Variants in RELN observed in about 807,000 individuals in gnomAD.
RELN encodes the protein reelin.
RELN carries 108 observed loss-of-function variants against 427.6 expected under a neutral mutation model. That is an observed-to-expected ratio of 0.25 (90% CI 0.22 to 0.30). RELN has a LOEUF of 0.30. Among genes scored for constraint, RELN ranks in the 10% least tolerant of loss-of-function variants. The pLI, the probability that RELN is intolerant of heterozygous loss-of-function variation, is 1.00. For missense variants in RELN, 3,715 were observed against 4,302.8 expected (o/e 0.86, Z 3.82); for synonymous variants, 1,524 against 1,513.4 (o/e 1.01, Z -0.16).
In RELN at chr7:103,700,900, T is replaced by G; in HGVS notation, c.902+10A>C. ...CAGAATTTATGAAAATACTTTAAATTACAACAAACCTAATTTTCTCTAGCT... is the reference window on the plus strand; with the variant it reads ...CAGAATTTATGAAAATACTTTAAATGACAACAAACCTAATTTTCTCTAGCT... On this transcript the variant is annotated intron_variant, in intron 9 of 64. Coordinates refer to ENST00000428762, the MANE Select transcript of RELN (RefSeq NM_005045.4). The G allele has an allele frequency of 1.3e-6, 2 of 1,531,448 alleles. No homozygotes were observed. The highest frequency in any genetic ancestry group is 2.3e-5 in the East Asian group (1 of 44,432). 94.9% of individuals were successfully genotyped at this position (1,531,448 alleles called of 1,614,324 possible). A position where few individuals can be genotyped will look rare whatever the true frequency, so the allele number is the denominator to read the frequency against.
chr7:103,794,712 C>T (rs1476459669), intron 3 of RELN, among the ~76,000 whole-genome samples: 1 of 152,132 alleles, frequency 6.6e-6, no homozygotes, highest in Non-Finnish European at 1.5e-5. Context: ...CACTACTGGA[C>T]ATTTATTTAA....
chr7:103,965,943 G>T (rs372317957), intron 1 of RELN, among the ~76,000 whole-genome samples: 1 of 151,832 alleles, frequency 6.6e-6, no homozygotes, highest in East Asian at 1.9e-4. Context: ...TGTTTACCAC[G>T]TCAAAATCTC....
chr7:103,860,719 A>T (rs1047034145), intron 2 of RELN, among the ~76,000 whole-genome samples: 1 of 152,044 alleles, frequency 6.6e-6, no homozygotes, highest in Non-Finnish European at 1.5e-5. Context: ...CCCCAATTAT[A>T]ATTCTAAAAC....
At chr7:103,602,079 C>A (rs1289307480) in intron 24 of RELN, among the ~76,000 whole-genome samples, 1 of 152,200 alleles carries the variant, frequency 6.6e-6, no homozygotes, top group Admixed American at 6.5e-5. Context: ...ACTATTCCTC[C>A]TTCTTCCAAT....
intron 2 of RELN, among the ~76,000 whole-genome samples, chr7:103,871,902 C>A (rs1470712041): frequency 6.6e-6 from 1 of 151,460 alleles, no homozygotes; most frequent in Non-Finnish European, 1.5e-5. Flanking sequence ...ATAGTAGAGT[C>A]TATATTAGAA....
At chr7:103,589,232 T>C (rs1490505526) in intron 28 of RELN, among the ~76,000 whole-genome samples, 3 of 152,222 alleles carry the variant, frequency 2.0e-5, no homozygotes, top group African/African-American at 7.2e-5. Context: ...TTTATAAAGC[T>C]GAGTGCAAAC....
chr7:103,602,674 C>T (rs1831701490), intron 24 of RELN, among the ~76,000 whole-genome samples: 1 of 151,880 alleles, frequency 6.6e-6, no homozygotes, highest in African/African-American at 2.4e-5. Context: ...CACACTGGGG[C>T]CTGTTGGGGG....
rs1470427331 is a variant in RELN, at chr7:103,581,338, T to G, written c.4146-5633A>C. The stretch of plus-strand genomic sequence containing the variant: ...ATTATTATTTTTGAGTGGGAGTATC[T>G]CTTGTGGTTATCCTGACATTTTCTC... On this transcript the variant is annotated intron_variant, in intron 28 of 64. Coordinates refer to ENST00000428762, the MANE Select transcript of RELN (RefSeq NM_005045.4). 4.6e-5 allele frequency among the ~76,000 whole-genome samples: 7 copies of G among 152,160 alleles called. No individual in the cohort carries two copies. In the East Asian group the frequency reaches 1.2e-3, roughly 25 times the overall value.
rs1830505102 is a variant in RELN at position 103,555,621 on chromosome 7, G to C, written c.5797+1356C>G. On this transcript the variant is annotated intron_variant, in intron 38 of 64. Coordinates refer to ENST00000428762, the MANE Select transcript of RELN (RefSeq NM_005045.4). Reference sequence around the variant, plus strand: ...CAAGTAGCTGGGATTACAGGTGTGTGCCACCACGCCCAGCTAATTTTTTTG... The same window carrying C: ...CAAGTAGCTGGGATTACAGGTGTGTCCCACCACGCCCAGCTAATTTTTTTG... Among the ~76,000 whole-genome samples, 3 of 152,188 alleles carry C rather than the reference G, an allele frequency of 2.0e-5. No individual in the cohort carries two copies. The South Asian group carries it at 6.2e-4, about 32-fold the overall frequency.
intron 10 of RELN, among the ~76,000 whole-genome samples, chr7:103,696,200 A>C (rs892934382): frequency 6.6e-6 from 1 of 152,138 alleles, no homozygotes; most frequent in Non-Finnish European, 1.5e-5. Flanking sequence ...GACACATGTT[A>C]AAAAATTCTC....
intron 12 of RELN, among the ~76,000 whole-genome samples, chr7:103,656,850 A>AT (rs1321366621): frequency 1.4e-4 from 21 of 152,024 alleles, no homozygotes; most frequent in African/African-American, 4.8e-4. Context: ...AAGTACAAGG[A>AT]TTATCTCTTT....
intron 2 of RELN, among the ~76,000 whole-genome samples, chr7:103,851,899 G>A (rs1563051337): frequency 6.6e-6 from 1 of 152,162 alleles, no homozygotes; most frequent in Admixed American, 6.6e-5. Context: ...GAAAATGTGA[G>A]CCCTCTGTGT....
At chr7:103,778,432 G>C (rs1172984118) in intron 3 of RELN, among the ~76,000 whole-genome samples, 1 of 151,938 alleles carries the variant, frequency 6.6e-6, no homozygotes, top group Non-Finnish European at 1.5e-5. Context: ...GTTCGTTTTT[G>C]TTGTCTTCTG....
In RELN at chr7:103,826,319, A is replaced by AGTGTGTGTGTGTGTGTGTGTGT. The variant is rs768090469; in HGVS notation, c.473+7217_473+7218insACACACACACACACACACACAC. ...ACAGAAGCACAAAACAGACTAAGAC[A>AGTGTGTGTGTGTGTGTGTGTGT]ATGTGTGTGTGTGTGTGTGTGTGTG... On this transcript the variant is annotated intron_variant, in intron 3 of 64. Transcript: ENST00000428762. Among the ~76,000 whole-genome samples, 926 of 137,542 alleles carry AGTGTGTGTGTGTGTGTGTGTGT rather than the reference A, an allele frequency of 6.7e-3. 21 individuals carry two copies. Among genetic ancestry groups the AGTGTGTGTGTGTGTGTGTGTGT allele is most frequent in the East Asian group, 0.01 (47 of 4,538 alleles). The allele number at this position is 137,542 out of a possible 152,430, so 90.2% of individuals were successfully genotyped here. A position where few individuals can be genotyped will look rare whatever the true frequency, so the allele number is the denominator to read the frequency against.
At chr7:103,678,203 C>T (rs534460092) in intron 11 of RELN, among the ~76,000 whole-genome samples, 4 of 152,142 alleles carry the variant, frequency 2.6e-5, no homozygotes, top group South Asian at 2.1e-4. Context: ...ATAATGTTTA[C>T]GTTTGGGATG....
chr7:103,926,627 G>GTTTTTTTTTTTTTTTTTT (rs60259062), intron 1 of RELN, among the ~76,000 whole-genome samples: 3 of 99,476 alleles, frequency 3.0e-5, no homozygotes, highest in Admixed American at 1.2e-4. Context: ...AGTATCATAA[G>GTTTTTTTTTTTTTTTTTT]TTTTTTTTTT....
At chr7:103,960,648 C>T (rs1048934873) in intron 1 of RELN, among the ~76,000 whole-genome samples, 1 of 152,070 alleles carries the variant, frequency 6.6e-6, no homozygotes, top group Admixed American at 6.6e-5. Flanking sequence ...AGGATTAGAG[C>T]AAATGCTAAG....
At chr7:103,730,246 T>G (rs893355178) in intron 6 of RELN, among the ~76,000 whole-genome samples, 14 of 152,140 alleles carry the variant, frequency 9.2e-5, no homozygotes, top group Non-Finnish European at 1.8e-4. Context: ...AGCAATCATT[T>G]TGTCCATAAA....
Position 103,603,464 on chromosome 7 carries a change from T to C in RELN, c.3173A>G (p.Glu1058Gly). The change falls in exon 24 of 65, where the codon GAA becomes GGA. Residue 1058 changes from glutamate to glycine, a missense_variant. Glu to Gly is a moderately conservative substitution (Grantham distance 98, BLOSUM62 -2). Coordinates refer to ENST00000428762, the MANE Select transcript of RELN (RefSeq NM_005045.4). The surrounding 1 kb of genome is among the most constrained non-coding windows in gnomAD (Gnocchi z 4.3). The part of the protein sequence containing the change: ...CRCDQGYQGT[E>G]CHPEAALPST... ...CGGAAGGGCAGCTTCTGGGTGGCAT[T>C]CAGTGCCTTGGTACCCCTGGTCACA... 1 of 1,613,904 alleles carries C rather than the reference T, an allele frequency of 6.2e-7. No individual in the cohort carries two copies. Among genetic ancestry groups the C allele is most frequent in the Non-Finnish European group, 8.5e-7 (1 of 1,179,834 alleles).
Sources: gnomAD v4.1 joint callset for allele counts (sites outside exome capture counted in the v4.1 genomes callset) on GRCh38, gnomAD v4.1.1 for gene constraint, Gnocchi (gnomAD v3.1) non-coding constraint, MANE v1.5 for transcripts, NCBI Gene and HGNC (gene_info 2026-07-23, HGNC 2026-07-21) for gene names.